Variants in PPP3R1 observed in about 807,000 individuals in gnomAD.
PPP3R1 encodes calcineurin subunit B type 1.
Under a neutral mutation model 22.6 loss-of-function variants are expected in PPP3R1, and 5 were observed. That is an observed-to-expected ratio of 0.22 (90% confidence interval 0.12 to 0.46). PPP3R1 has a LOEUF of 0.46. PPP3R1 is among the 20% of genes least tolerant of loss of function. The pLI, the probability that PPP3R1 is intolerant of heterozygous loss-of-function variation, is 0.99. For missense variants in PPP3R1, 61 were observed against 203.2 expected, an observed-to-expected ratio of 0.30 and a Z score of 4.25; for synonymous variants, 56 against 65.2, an observed-to-expected ratio of 0.86 and a Z score of 0.68.
intron 1 of PPP3R1, among the ~76,000 whole-genome samples, chr2:68,225,908 T>A (rs1028925708): frequency 6.6e-6 from 1 of 152,218 alleles, no homozygotes; most frequent in East Asian, 1.9e-4. Context: ...TTCAGCTTTA[T>A]TCTTAATAGA....
intron 1 of PPP3R1, among the ~76,000 whole-genome samples, chr2:68,242,574 A>G (rs1021681096): frequency 3.3e-5 from 5 of 152,242 alleles, no homozygotes; most frequent in Non-Finnish European, 5.9e-5. Context: ...GAGAAAGAGT[A>G]TAAGTTAGTT....
chr2:68,194,034 C>T (rs1299173866), intron 2 of PPP3R1, among the ~76,000 whole-genome samples: 1 of 152,028 alleles, frequency 6.6e-6, no homozygotes, highest in Non-Finnish European at 1.5e-5. Context: ...GGTTGAAACT[C>T]ATGTTATTTT....
At chr2:68,204,684 G>A (rs1675073612) in intron 2 of PPP3R1, among the ~76,000 whole-genome samples, 1 of 152,238 alleles carries the variant, frequency 6.6e-6, no homozygotes, top group South Asian at 2.1e-4. Context: ...ATAATTCCTG[G>A]GACATGGTAA....
Position 68,187,327 on chromosome 2 carries a change from T to C in PPP3R1, c.221-13A>G, listed in dbSNP as rs1247357472. On this transcript the variant is annotated splice_polypyrimidine_tract_variant and intron_variant, in intron 3 of 5. Coordinates refer to ENST00000234310, the MANE Select transcript of PPP3R1 (RefSeq NM_000945.4). ...CCCTCAATGAATTCTGAATAAGAGTTAAAAATGTTCACAAATCAGAACTTC... is the reference window on the plus strand; with the variant it reads ...CCCTCAATGAATTCTGAATAAGAGTCAAAAATGTTCACAAATCAGAACTTC... 1 of 1,603,258 alleles carries C rather than the reference T, an allele frequency of 6.2e-7. No individual in the cohort carries two copies.
intron 1 of PPP3R1, among the ~76,000 whole-genome samples, chr2:68,221,015 T>C (rs1669678486): frequency 6.7e-6 from 1 of 149,030 alleles, no homozygotes; most frequent in Non-Finnish European, 1.5e-5. Flanking sequence ...CTGGGCAACA[T>C]GGCAAAACAC....
intron 2 of PPP3R1, among the ~76,000 whole-genome samples, chr2:68,202,111 T>G (rs1674990706): frequency 6.6e-6 from 1 of 152,246 alleles, no homozygotes; most frequent in African/African-American, 2.4e-5. Flanking sequence ...GCTATCACTC[T>G]GTGTTCTCCA....
chr2:68,213,268 T>C (rs1295192187), intron 2 of PPP3R1, among the ~76,000 whole-genome samples: 1 of 152,246 alleles, frequency 6.6e-6, no homozygotes, highest in Admixed American at 6.5e-5. Flanking sequence ...TCAATAAGCT[T>C]CATCATTTCT....
At position 68,221,449 on chromosome 2, in the gene PPP3R1, G is replaced by GTGC. The variant is rs759958998; in HGVS notation, c.4-4319_4-4318insGCA. ...ATAGGTCAAGGGTGCAGTGAGCCTT[G>GTGC]AGCACACCACTGCACTCCAGCCTGG... On this transcript the variant is annotated intron_variant, in intron 1 of 5. Transcript: ENST00000234310. 3.3e-3 allele frequency among the ~76,000 whole-genome samples: 497 copies of GTGC among 152,238 alleles called. 2 individuals are homozygous for GTGC. The highest frequency in any genetic ancestry group is 0.01 in the South Asian group (49 of 4,824).
chr2:68,230,809 T>C (rs1669882477), intron 1 of PPP3R1, among the ~76,000 whole-genome samples: 1 of 152,238 alleles, frequency 6.6e-6, no homozygotes, highest in Admixed American at 6.5e-5. Context: ...TCCTTTTCTT[T>C]CAGCACTTGA....
At chr2:68,247,259 T>A (rs1490096069) in intron 1 of PPP3R1, among the ~76,000 whole-genome samples, 1 of 152,172 alleles carries the variant, frequency 6.6e-6, no homozygotes, top group Non-Finnish European at 1.5e-5. Flanking sequence ...AGCCCACCCA[T>A]GATTCCTTTA....
chr2:68,226,755 T>A (rs1669788513), intron 1 of PPP3R1, among the ~76,000 whole-genome samples: 1 of 152,132 alleles, frequency 6.6e-6, no homozygotes, highest in African/African-American at 2.4e-5. Context: ...ATTAGGTGCA[T>A]GGTAAAAGTC....
intron 1 of PPP3R1, among the ~76,000 whole-genome samples, chr2:68,246,067 C>CTTTTTTTTTTTTTTTTT (rs746584723): frequency 1.4e-5 from 1 of 73,806 alleles, no homozygotes; most frequent in Non-Finnish European, 2.3e-5. Flanking sequence ...TTCTTTCTTT[C>CTTTTTTTTTTTTTTTTT]TTTTTTTTTT....
chr2:68,198,870 G>C (rs1674895551), intron 2 of PPP3R1, among the ~76,000 whole-genome samples: 1 of 151,962 alleles, frequency 6.6e-6, no homozygotes, highest in African/African-American at 2.4e-5. Context: ...CTGTAATTTG[G>C]AGTACAGATT....
chr2:68,180,845 G>T lies in PPP3R1; in HGVS notation c.*118C>A. 2.9e-6 allele frequency: 3 copies of T among 1,036,622 alleles called. No homozygotes were observed. The highest frequency in any genetic ancestry group is 4.3e-6 in the Non-Finnish European group (3 of 699,318). 64.2% of individuals were successfully genotyped at this position (1,036,622 alleles called of 1,614,324 possible). ...CATGAGGCTCATGTTGGAAAATGTGGCTTCACAGAGAAAAATACTTCCATT... is the reference window on the plus strand; with the variant it reads ...CATGAGGCTCATGTTGGAAAATGTGTCTTCACAGAGAAAAATACTTCCATT... On this transcript the variant is annotated 3_prime_UTR_variant, in exon 6 of 6. Transcript: ENST00000234310.
chr2:68,224,824 T>G (rs1669753401), intron 1 of PPP3R1, among the ~76,000 whole-genome samples: 1 of 151,976 alleles, frequency 6.6e-6, no homozygotes, highest in Admixed American at 6.6e-5. Context: ...TTGCAACAAA[T>G]GATGCTACAA....
At position 68,179,382 on chromosome 2, in the gene PPP3R1, A is replaced by G. The variant is rs1179019843; in HGVS notation, c.*1581T>C. 6.6e-6 allele frequency: 1 copy of G among 152,616 alleles called. No individual in the cohort carries two copies. Among genetic ancestry groups the G allele is most frequent in the Non-Finnish European group, 1.5e-5 (1 of 68,032 alleles). 9.5% of individuals were successfully genotyped at this position (152,616 alleles called of 1,614,324 possible). On this transcript the variant is annotated 3_prime_UTR_variant, in exon 6 of 6. Transcript: ENST00000234310. ...AGAGGTACATTTTAAATTGATCTAC[A>G]TGCAAAACTCCATGTCATGCAAGGA...
At chr2:68,210,992 G>A (rs1277279512) in intron 2 of PPP3R1, among the ~76,000 whole-genome samples, 1 of 151,962 alleles carries the variant, frequency 6.6e-6, no homozygotes, top group East Asian at 1.9e-4. Flanking sequence ...TGAATAAAGC[G>A]AACTACATGA....
chr2:68,227,093 T>C (rs1669797315), intron 1 of PPP3R1, among the ~76,000 whole-genome samples: 1 of 152,050 alleles, frequency 6.6e-6, no homozygotes, highest in Non-Finnish European at 1.5e-5. Flanking sequence ...ATTCAAAGCT[T>C]TACAGAATGC....
chr2:68,203,615 T>G (rs747603959), intron 2 of PPP3R1, among the ~76,000 whole-genome samples: 2 of 139,796 alleles, frequency 1.4e-5, no homozygotes, highest in Non-Finnish European at 3.1e-5. Context: ...AAAAAAAAAA[T>G]GCTGAAATGA....
Sources: allele counts gnomAD v4.1 joint callset (sites outside exome capture counted in the v4.1 genomes callset), GRCh38; gene constraint gnomAD v4.1.1; transcripts MANE v1.5; gene names NCBI Gene and HGNC (gene_info 2026-07-23, HGNC 2026-07-21).